UGT1A9: variants seen among roughly 807,000 people sequenced by gnomAD.
UGT1A9 encodes the protein UDP glucuronosyltransferase family 1 member A9.
Under a neutral mutation model 45.0 loss-of-function variants are expected in UGT1A9, and 35 were observed. That is an observed-to-expected ratio of 0.78 (90% CI 0.59 to 1.03). The LOEUF (loss-of-function observed/expected upper bound fraction) is 1.03. UGT1A9 is among the 50% of genes least tolerant of loss of function. The probability of loss-of-function intolerance (pLI) is 0.00; values close to 1 mark genes in which losing one functional copy is unlikely to be tolerated. For synonymous variants in UGT1A9, 278 were observed against 250.6 expected, an observed-to-expected ratio of 1.11 and a Z score of -1.03; for missense variants, 687 against 666.6, an observed-to-expected ratio of 1.03 and a Z score of -0.34.
At chr2:233,730,105 C>T (rs1305477066) in intron 1 of UGT1A9, 1 of 1,574,650 alleles carries the variant, frequency 6.4e-7, no homozygotes, top group Non-Finnish European at 8.6e-7. Context: ...TATTTCATTT[C>T]TGCTTCTCCT....
At chr2:233,734,262 T>A (rs1260850291) in intron 1 of UGT1A9, among the ~76,000 whole-genome samples, 1 of 152,214 alleles carries the variant, frequency 6.6e-6, no homozygotes, top group Admixed American at 6.5e-5. Flanking sequence ...GGAGGGTGTA[T>A]GTGTCCAGGA....
At chr2:233,767,444 TAAA>T (rs1699395657) in intron 2 of UGT1A9, among the ~76,000 whole-genome samples, 1 of 152,186 alleles carries the variant, frequency 6.6e-6, no homozygotes, top group Non-Finnish European at 1.5e-5. Flanking sequence ...TATTTAAAAA[TAAA>T]ATAAATGGGA....
intron 1 of UGT1A9, 104 bp from the exon 2 acceptor site, chr2:233,766,930 T>G: frequency 1.9e-6 from 3 of 1,580,254 alleles, no homozygotes; most frequent in Admixed American, 1.8e-5. Flanking sequence ...ACGCATGCCT[T>G]TAATCATAGT....
At position 233,730,325 on chromosome 2, in the gene UGT1A9, C is replaced by A. The variant is rs532901219; in HGVS notation, c.856-36709C>A. On this transcript the variant is annotated intron_variant, in intron 1 of 4. Transcript: ENST00000354728. ...CTTCAGCTTGGCAGGAACAGGGACA[C>A]TACGTTTGGAACTGATCCATCCTGG... 4.6e-5 allele frequency among the ~76,000 whole-genome samples: 7 copies of A among 152,252 alleles called. No individual in the cohort carries two copies. In the South Asian group the frequency reaches 1.2e-3, roughly 27 times the overall value.
chr2:233,733,569 G>C (rs1217619334), intron 1 of UGT1A9, among the ~76,000 whole-genome samples: 1 of 152,186 alleles, frequency 6.6e-6, no homozygotes, highest in East Asian at 1.9e-4. Context: ...AAATAATCAT[G>C]TGGTTTGTCA....
chr2:233,682,671 AC>A, intron 1 of UGT1A9: 1 of 1,613,852 alleles, frequency 6.2e-7, no homozygotes, highest in Non-Finnish European at 8.5e-7. Flanking sequence ...TATGATCTCT[AC>A]AGCCACACAT....
intron 1 of UGT1A9, among the ~76,000 whole-genome samples, chr2:233,689,496 A>G (rs2125542455): frequency 6.6e-6 from 1 of 152,236 alleles, no homozygotes; most frequent in East Asian, 1.9e-4. Context: ...GCAAATCAAT[A>G]CGCAGAGGTT....
chr2:233,747,212 A>G, intron 1 of UGT1A9: 1 of 1,605,294 alleles, frequency 6.2e-7, no homozygotes, highest in South Asian at 1.1e-5. Context: ...TCTTCTGCTG[A>G]GATGGCCACA....
chr2:233,691,239 T>C lies in UGT1A9; in HGVS notation c.855+18450T>C, dbSNP rs912539415. The C allele has an allele frequency of 2.5e-5, 25 of 985,440 alleles. No homozygotes were observed. The African/African-American group carries it at 2.8e-4, about 11-fold the overall frequency. The allele number at this position is 985,440 out of a possible 1,614,324, so 61.0% of individuals were successfully genotyped here. Reference sequence around the variant, plus strand: ...ACCTTCCTGGAGTCTTATTGCTATCTAGATGAACTCAAAGCAAGATGCTGC... The same window carrying C: ...ACCTTCCTGGAGTCTTATTGCTATCCAGATGAACTCAAAGCAAGATGCTGC... On this transcript the variant is annotated intron_variant, in intron 1 of 4. Transcript: ENST00000354728.
intron 1 of UGT1A9, among the ~76,000 whole-genome samples, chr2:233,701,994 C>T (rs1220437125): frequency 6.6e-6 from 1 of 152,050 alleles, no homozygotes; most frequent in South Asian, 2.1e-4. Flanking sequence ...TAACTAAGAT[C>T]AGAGCAGAAC....
At chr2:233,748,129 T>A in intron 1 of UGT1A9, 2 of 1,610,122 alleles carry the variant, frequency 1.2e-6, no homozygotes, top group Admixed American at 1.7e-5. Context: ...AAACAGTTTT[T>A]AAAAATTGTA....
chr2:233,724,161 C>A (rs1575550445), intron 1 of UGT1A9, among the ~76,000 whole-genome samples: 1 of 122,434 alleles, frequency 8.2e-6, no homozygotes, highest in African/African-American at 3.7e-5. Context: ...GGTGGGGGGG[C>A]TGACCCCCCC....
At chr2:233,707,386 G>A (rs1362330538) in intron 1 of UGT1A9, among the ~76,000 whole-genome samples, 2 of 152,040 alleles carry the variant, frequency 1.3e-5, no homozygotes, top group Non-Finnish European at 2.9e-5. Flanking sequence ...GCATCCATGA[G>A]CTATTCTTTT....
chr2:233,679,009 C>T (rs942961377), intron 1 of UGT1A9, among the ~76,000 whole-genome samples: 1 of 152,216 alleles, frequency 6.6e-6, no homozygotes, highest in Non-Finnish European at 1.5e-5. Context: ...GTGGCATCTT[C>T]AGTGGTGTAA....
At chr2:233,722,496 C>T (rs1266204895) in intron 1 of UGT1A9, among the ~76,000 whole-genome samples, 2 of 152,048 alleles carry the variant, frequency 1.3e-5, no homozygotes, top group African/African-American at 4.8e-5. Context: ...TTTCATTTTC[C>T]GTTTCGTTAA....
At chr2:233,720,705 T>C (rs1394556391) in intron 1 of UGT1A9, among the ~76,000 whole-genome samples, 4 of 134,894 alleles carry the variant, frequency 3.0e-5, no homozygotes, top group Admixed American at 7.2e-5. Context: ...GGAGCCATCC[T>C]TTTTTTTTTT....
chr2:233,681,300 G>A (rs2074517649), intron 1 of UGT1A9, among the ~76,000 whole-genome samples: 2 of 151,944 alleles, frequency 1.3e-5, no homozygotes, highest in Non-Finnish European at 2.9e-5. Context: ...TTGGGAGGCC[G>A]AGATGGGCAG....
At chr2:233,692,660 C>T (rs1455242812) in intron 1 of UGT1A9, among the ~76,000 whole-genome samples, 4 of 152,146 alleles carry the variant, frequency 2.6e-5, no homozygotes, top group East Asian at 1.9e-4. Context: ...CCAGCAAGTT[C>T]GGGATAGAGA....
At chr2:233,728,977 G>C (rs1437469513) in intron 1 of UGT1A9, 13 of 1,494,456 alleles carry the variant, frequency 8.7e-6, no homozygotes, top group Admixed American at 2.1e-5. Flanking sequence ...ATAGATTAAT[G>C]GTTAATAATT....
Sources: allele counts gnomAD v4.1 joint callset (sites outside exome capture counted in the v4.1 genomes callset), GRCh38; gene constraint gnomAD v4.1.1; transcripts MANE v1.5; gene names NCBI Gene and HGNC (gene_info 2026-07-23, HGNC 2026-07-21).